Variants in FTO observed in about 807,000 individuals in gnomAD.
The protein encoded by FTO is FTO alpha-ketoglutarate dependent dioxygenase.
Under a neutral mutation model 63.9 loss-of-function variants are expected in FTO, and 47 were observed. The ratio of observed to expected loss-of-function variants is 0.74; its 90% CI spans 0.58 to 0.94. FTO has a LOEUF of 0.94. FTO is among the 40% of genes least tolerant of loss of function. FTO has a pLI of 0.00. For missense variants in FTO, 562 were observed against 618.1 expected (o/e 0.91, Z 0.96); for synonymous variants, 207 against 224.4 (o/e 0.92, Z 0.69).
At chr16:53,709,183 A>C (rs1402318089) in intron 1 of FTO, among the ~76,000 whole-genome samples, 1 of 151,944 alleles carries the variant, frequency 6.6e-6, no homozygotes, top group Non-Finnish European at 1.5e-5. Flanking sequence ...CTCTCTTGTG[A>C]TTGCTTATGC....
chr16:53,715,074 G>A (rs1374743153), intron 1 of FTO, among the ~76,000 whole-genome samples: 1 of 152,162 alleles, frequency 6.6e-6, no homozygotes, highest in East Asian at 1.9e-4. Context: ...CTGAAAATGT[G>A]TTAATCCAAA....
At chr16:53,907,544 C>T (rs183451231) in intron 7 of FTO, among the ~76,000 whole-genome samples, 2 of 152,236 alleles carry the variant, frequency 1.3e-5, no homozygotes, top group East Asian at 1.9e-4. Context: ...AGCTTTTGCA[C>T]CCTAGTAAAG....
intron 4 of FTO, among the ~76,000 whole-genome samples, chr16:53,850,755 GAAA>G (rs56892864): frequency 7.0e-6 from 1 of 142,362 alleles, no homozygotes; most frequent in African/African-American, 3.0e-5. Flanking sequence ...TTTTTTTCCA[GAAA>G]AAAAAATTAA....
Position 53,997,836 on chromosome 16 carries a change from G to A in FTO, c.1364+63727G>A, listed in dbSNP as rs370937930. 1.2e-4 allele frequency among the ~76,000 whole-genome samples: 18 copies of A among 152,252 alleles called. No individual in the cohort carries two copies. The South Asian group carries it at 3.3e-3, about 28-fold the overall frequency. ...ATGAGAGGGGAGAAAGGAAGGCAATGAGTATGAATCATCATTCTGATTTTA... is the reference window on the plus strand; with the variant it reads ...ATGAGAGGGGAGAAAGGAAGGCAATAAGTATGAATCATCATTCTGATTTTA... On this transcript the variant is annotated intron_variant, in intron 8 of 8. Coordinates refer to ENST00000471389, the MANE Select transcript of FTO (RefSeq NM_001080432.3).
chr16:53,761,161 A>G (rs1224222590), intron 1 of FTO, among the ~76,000 whole-genome samples: 4 of 151,556 alleles, frequency 2.6e-5, no homozygotes, highest in African/African-American at 4.9e-5. Flanking sequence ...CAGTGGCACA[A>G]TCATAGCTCA....
intron 8 of FTO, among the ~76,000 whole-genome samples, chr16:54,104,333 G>GAT: frequency 7.6e-6 from 1 of 131,920 alleles, no homozygotes; most frequent in African/African-American, 3.0e-5. Context: ...TTTTTTTTGG[G>GAT]ATGGAGTTTC....
intron 8 of FTO, among the ~76,000 whole-genome samples, chr16:54,050,000 C>T (rs1446259892): frequency 1.3e-5 from 2 of 152,148 alleles, no homozygotes; most frequent in Non-Finnish European, 1.5e-5. Flanking sequence ...CACAGGATCC[C>T]GGCCCTTTTC....
chr16:54,057,653 G>A (rs118037147), intron 8 of FTO, among the ~76,000 whole-genome samples: 10,247 of 151,240 alleles, frequency 0.068, 495 homozygotes, highest in East Asian at 0.15. Context: ...CTGTATTTTT[G>A]GTAGAGATGG....
chr16:53,772,967 T>C (rs2077374134), intron 1 of FTO, among the ~76,000 whole-genome samples: 1 of 152,144 alleles, frequency 6.6e-6, no homozygotes, highest in Non-Finnish European at 1.5e-5. Context: ...GTCTGCTCTC[T>C]CCTTTTCTCC....
intron 1 of FTO, among the ~76,000 whole-genome samples, chr16:53,773,485 C>T (rs573884600): frequency 4.6e-5 from 7 of 152,122 alleles, no homozygotes; most frequent in East Asian, 1.9e-4. Context: ...AGCTACTTAA[C>T]GCCCTGAAAC....
At chr16:53,825,110 C>T (rs536739467) in intron 2 of FTO, among the ~76,000 whole-genome samples, 1 of 152,174 alleles carries the variant, frequency 6.6e-6, no homozygotes, top group Admixed American at 6.5e-5. Context: ...ATTCCTTTAC[C>T]ATTTACTGAG....
At chr16:53,994,448 A>ACTCCTGAGCTCTAGTGATCCTCCCAC (rs1166630953) in intron 8 of FTO, 5 of 151,724 alleles carry the variant, frequency 3.3e-5, no homozygotes, top group Non-Finnish European at 4.4e-5. Context: ...GTGGCCTCCA[A>ACTCCTGAGCTCTAGTGATCCTCCCAC]CTCCTGAGCT....
intron 8 of FTO, among the ~76,000 whole-genome samples, chr16:54,102,528 TAG>T (rs769135953): frequency 2.0e-5 from 3 of 151,834 alleles, no homozygotes; most frequent in Non-Finnish European, 4.4e-5. Context: ...CTGGGCAACC[TAG>T]AGTGACCCCA....
chr16:54,065,822 T>C (rs1368403940), intron 8 of FTO, among the ~76,000 whole-genome samples: 1 of 152,186 alleles, frequency 6.6e-6, no homozygotes, highest in African/African-American at 2.4e-5. Flanking sequence ...CACTTGGTAT[T>C]ACCCCAGCCT....
At chr16:53,996,036 A>G (rs2083926523) in intron 8 of FTO, among the ~76,000 whole-genome samples, 1 of 152,228 alleles carries the variant, frequency 6.6e-6, no homozygotes, top group Non-Finnish European at 1.5e-5. Context: ...GCACACAGTG[A>G]CAAGACATGA....
intron 1 of FTO, among the ~76,000 whole-genome samples, chr16:53,793,796 A>G (rs1002469300): frequency 6.6e-6 from 1 of 152,104 alleles, no homozygotes; most frequent in Non-Finnish European, 1.5e-5. Context: ...AATGAGAAAT[A>G]AAAAAAATTC....
chr16:53,972,179 A>G (rs768535980), intron 8 of FTO, among the ~76,000 whole-genome samples: 7 of 152,006 alleles, frequency 4.6e-5, no homozygotes, highest in Non-Finnish European at 8.8e-5. Context: ...AGCATTCTTC[A>G]TGTATTCTTG....
chr16:54,013,805 G>A (rs1173467988), intron 8 of FTO, among the ~76,000 whole-genome samples: 1 of 152,176 alleles, frequency 6.6e-6, no homozygotes, highest in African/African-American at 2.4e-5. Flanking sequence ...ATAGCATTAT[G>A]TCTAAAAAAC....
rs145811661 is a variant in FTO, at chr16:53,704,254, A to G, written c.45+25A>G. On this transcript the variant is annotated intron_variant, in intron 1 of 8. Transcript: ENST00000471389. ...GGTATGTCGGGCTCCCGGGGCCTGG[A>G]GATCTTCGTGCGCTGTGAGCAAGGA... The G allele has an allele frequency of 3.4e-4, 528 of 1,550,688 alleles. 2 individuals carry two copies. In the African/African-American group the frequency reaches 6.4e-3, roughly 19 times the overall value.
Sources: allele counts gnomAD v4.1 joint callset (sites outside exome capture counted in the v4.1 genomes callset), GRCh38; gene constraint gnomAD v4.1.1; transcripts MANE v1.5; gene names NCBI Gene and HGNC (gene_info 2026-07-23, HGNC 2026-07-21).